The following SULT2B1 variants were observed in gnomAD, a reference collection of about 807,000 sequenced individuals.
The protein encoded by SULT2B1 is sulfotransferase family 2B member 1.
Under a neutral mutation model 33.2 loss-of-function variants are expected in SULT2B1, and 16 were observed. The observed-to-expected ratio is 0.48, with a 90% confidence interval of 0.33 to 0.73. SULT2B1 has a LOEUF of 0.73. Among genes scored for constraint, SULT2B1 ranks in the 30% least tolerant of loss-of-function variants. The pLI is 0.02. For synonymous variants in SULT2B1, 186 were observed against 200.5 expected (o/e 0.93, Z 0.61); for missense variants, 500 against 506.0 (o/e 0.99, Z 0.11).
Position 48,599,116 on chromosome 19 carries a change from G to T in SULT2B1, c.827-19G>T. 6.4e-7 allele frequency: 1 copy of T among 1,557,750 alleles called. No homozygotes were observed. Among genetic ancestry groups the T allele is most frequent in the South Asian group, 1.2e-5 (1 of 85,328 alleles). ...GCTCCCCAGAGGCTCCTCACCCCCT[G>T]GTGCCCCCTCTTCTCCAGGGGTCTG... On this transcript the variant is annotated intron_variant, in intron 6 of 6. Coordinates refer to ENST00000201586, the MANE Select transcript of SULT2B1 (RefSeq NM_177973.2). This position sits in a 1 kb window ranked among gnomAD's most constrained non-coding sequence, Gnocchi z 4.1.
Position 48,552,287 on chromosome 19 carries a change from T to C in SULT2B1, c.35T>C (p.Leu12Ser), listed in dbSNP as rs1488385003. ...DGPAEPQIPG[L>S]WDTYEDDISE... ...CCCGCCGAGCCCCAGATCCCGGGCT[T>C]GTGGGACACCTATGAAGATGACATC... is the stretch of plus-strand genomic sequence containing the variant. The change falls in exon 1 of 7, where the codon TTG becomes TCG. Residue 12 changes from leucine to serine, a missense_variant. Physicochemically the swap from Leu to Ser is moderately radical, Grantham distance 145. Coordinates refer to ENST00000201586, the MANE Select transcript of SULT2B1 (RefSeq NM_177973.2). This position sits in a 1 kb window ranked among gnomAD's most constrained non-coding sequence, Gnocchi z 4.8. The C allele has an allele frequency of 4.3e-6, 7 of 1,613,882 alleles. No homozygotes were observed. Among genetic ancestry groups the C allele is most frequent in the Non-Finnish European group, 5.9e-6 (7 of 1,179,950 alleles).
intron 3 of SULT2B1, among the ~76,000 whole-genome samples, chr19:48,589,219 C>G (rs968936568): frequency 6.6e-6 from 1 of 151,664 alleles, no homozygotes; most frequent in African/African-American, 2.4e-5. Flanking sequence ...GATTTGCTGA[C>G]AGACTGGATG....
At chr19:48,579,650 A>G (rs982688400) in intron 2 of SULT2B1, among the ~76,000 whole-genome samples, 142 of 116,830 alleles carry the variant, frequency 1.2e-3, no homozygotes, top group South Asian at 3.2e-3. Context: ...CTTGTCCCCC[A>G]GGCTGGAATG....
intron 5 of SULT2B1, among the ~76,000 whole-genome samples, chr19:48,594,551 T>TG (rs1385851313): frequency 1.3e-5 from 2 of 152,240 alleles, no homozygotes; most frequent in African/African-American, 4.8e-5. Context: ...TAACAGCTTC[T>TG]GGGCTGCCCC....
At chr19:48,564,551 C>CAAAAAAAAAAAAAAAAAAAAAAAA (rs770217698) in intron 1 of SULT2B1, among the ~76,000 whole-genome samples, 1 of 57,636 alleles carries the variant, frequency 1.7e-5, no homozygotes, top group Non-Finnish European at 3.0e-5. Flanking sequence ...GACTCCGTCT[C>CAAAAAAAAAAAAAAAAAAAAAAAA]AAAAAAAAAA....
chr19:48,597,468 T>G (rs1335018405), intron 6 of SULT2B1, among the ~76,000 whole-genome samples: 2 of 141,936 alleles, frequency 1.4e-5, no homozygotes, highest in African/African-American at 5.3e-5. Context: ...CTCAGCATCC[T>G]TAAGTAGCTG....
chr19:48,570,272 C>A (rs959302409), intron 1 of SULT2B1, among the ~76,000 whole-genome samples: 1 of 151,714 alleles, frequency 6.6e-6, no homozygotes, highest in Non-Finnish European at 1.5e-5. Flanking sequence ...CTCCACCTCC[C>A]AGGTTCAAGT....
intron 2 of SULT2B1, among the ~76,000 whole-genome samples, chr19:48,579,911 A>G (rs887082164): frequency 3.8e-4 from 58 of 151,584 alleles, no homozygotes; most frequent in African/African-American, 1.3e-3. Flanking sequence ...TCGGCCTTGC[A>G]TGCAAGTTCT....
At chr19:48,577,352 C>CT (rs1209521675) in intron 2 of SULT2B1, among the ~76,000 whole-genome samples, 2,727 of 30,500 alleles carry the variant, frequency 0.089, 894 homozygotes, top group East Asian at 0.24. Flanking sequence ...ACTGAGCCGT[C>CT]TTTTTTTTTT....
chr19:48,581,913 A>G (rs1386443693), intron 2 of SULT2B1, among the ~76,000 whole-genome samples: 1 of 147,034 alleles, frequency 6.8e-6, no homozygotes, highest in Non-Finnish European at 1.5e-5. Flanking sequence ...TATTATTATT[A>G]TTATTATTAG....
intron 2 of SULT2B1, 104 bp downstream of exon 2, chr19:48,576,187 GC>G: frequency 9.0e-7 from 1 of 1,110,292 alleles, no homozygotes; most frequent in Non-Finnish European, 1.3e-6. Flanking sequence ...GAAAAGTGGG[GC>G]CGGGTCTGTT....
At chr19:48,567,420 G>A (rs1973260010) in intron 1 of SULT2B1, among the ~76,000 whole-genome samples, 1 of 152,076 alleles carries the variant, frequency 6.6e-6, no homozygotes, top group Non-Finnish European at 1.5e-5. Context: ...AAATTAGCCA[G>A]GCGTGGTGGT....
chr19:48,596,323 G>A (rs1447293189), intron 5 of SULT2B1: 2 of 167,002 alleles, frequency 1.2e-5, no homozygotes, highest in East Asian at 1.8e-4. Flanking sequence ...GGGCCTGGGG[G>A]AGGAGCAGGT....
At position 48,552,676 on chromosome 19, in the gene SULT2B1, A is replaced by T. The variant is rs947799614; in HGVS notation, c.71+353A>T. Among the ~76,000 whole-genome samples the T allele has an allele frequency of 6.6e-6, 1 of 152,122 alleles. No individual in the cohort carries two copies. Among genetic ancestry groups the T allele is most frequent in the African/African-American group, 2.4e-5 (1 of 41,416 alleles). On this transcript the variant is annotated intron_variant, in intron 1 of 6. Transcript: ENST00000201586. This position sits in a 1 kb window ranked among gnomAD's most constrained non-coding sequence, Gnocchi z 4.8. ...TTGGTGCATAGTAGTTGCTCAGGAA[A>T]CACAACAGCCTGTAGTACCCAGGAC...
chr19:48,590,133 G>A (rs559671980), intron 3 of SULT2B1, among the ~76,000 whole-genome samples: 9 of 151,958 alleles, frequency 5.9e-5, no homozygotes, highest in East Asian at 2.0e-4. Flanking sequence ...GATTACAGGC[G>A]CCCACCACCA....
rs869189397 is a variant in SULT2B1 at position 48,558,679 on chromosome 19, CTTTTTTTT to C, written c.71+6371_71+6378del. Among the ~76,000 whole-genome samples the C allele has an allele frequency of 2.5e-4, 27 of 106,178 alleles. No homozygotes were observed. In the Admixed American group the frequency reaches 2.7e-3, roughly 10 times the overall value. The allele number at this position is 106,178 out of a possible 152,430, so 69.7% of individuals were successfully genotyped here. A position where few individuals can be genotyped will look rare whatever the true frequency, so the allele number is the denominator to read the frequency against. ...TGCTTTTTCTTTTTTCTTTTCTTTT[CTTTTTTTT>C]TTTTTTTTTTTTTTGAGACAGAGTT... is the stretch of plus-strand genomic sequence containing the variant. On this transcript the variant is annotated intron_variant, in intron 1 of 6. Coordinates refer to ENST00000201586, the MANE Select transcript of SULT2B1 (RefSeq NM_177973.2).
intron 2 of SULT2B1, among the ~76,000 whole-genome samples, chr19:48,576,359 C>CTTTTCTTTCTTTTTTTTTTTTTATTT: frequency 1.0e-5 from 1 of 96,716 alleles, no homozygotes; most frequent in Non-Finnish European, 1.9e-5. Context: ...CTCTACTTCT[C>CTTTTCTTTCTTTTTTTTTTTTTATTT]TTTTTTTTTT....
intron 5 of SULT2B1, among the ~76,000 whole-genome samples, chr19:48,593,531 G>A (rs1026427983): frequency 3.3e-5 from 5 of 151,916 alleles, no homozygotes; most frequent in South Asian, 2.1e-4. Flanking sequence ...CAGCCTGGGC[G>A]ACAGAGCAAG....
chr19:48,596,963 G>C, intron 6 of SULT2B1, 44 bp downstream of exon 6: 2 of 1,518,280 alleles, frequency 1.3e-6, no homozygotes, highest in African/African-American at 2.7e-5. Flanking sequence ...CCACTGCCCG[G>C]CTGTGTGACC....
Sources: gnomAD v4.1 joint callset for allele counts (sites outside exome capture counted in the v4.1 genomes callset) on GRCh38, gnomAD v4.1.1 for gene constraint, Gnocchi (gnomAD v3.1) non-coding constraint, MANE v1.5 for transcripts, NCBI Gene and HGNC (gene_info 2026-07-23, HGNC 2026-07-21) for gene names.